Variants in PLCE1 observed in about 807,000 individuals in gnomAD.
The protein encoded by PLCE1 is phospholipase C epsilon 1.
Under a neutral mutation model 242.8 loss-of-function variants are expected in PLCE1, and 119 were observed. The observed-to-expected ratio is 0.49, with a 90% CI of 0.42 to 0.57. PLCE1 has a LOEUF of 0.57. Among genes scored for constraint, PLCE1 ranks in the 20% least tolerant of loss-of-function variants. The pLI, the probability that PLCE1 is intolerant of heterozygous loss-of-function variation, is 0.00. For missense variants in PLCE1, 2,441 were observed against 2,788.8 expected, an observed-to-expected ratio of 0.88 and a Z score of 2.81; for synonymous variants, 945 against 1,017.4, an observed-to-expected ratio of 0.93 and a Z score of 1.35.
intron 4 of PLCE1, among the ~76,000 whole-genome samples, chr10:94,204,520 T>A (rs1203203272): frequency 6.6e-6 from 1 of 151,834 alleles, no homozygotes; most frequent in Non-Finnish European, 1.5e-5. Flanking sequence ...TACAAAAAAT[T>A]AGCCAGGCGT....
At chr10:94,285,798 A>T (rs1221563148) in intron 22 of PLCE1, among the ~76,000 whole-genome samples, 1 of 152,184 alleles carries the variant, frequency 6.6e-6, no homozygotes, top group African/African-American at 2.4e-5. Context: ...CACAAGGACC[A>T]AGGATGGCGT....
chr10:94,299,114 AT>A (rs1385152637), intron 24 of PLCE1, among the ~76,000 whole-genome samples: 2 of 152,202 alleles, frequency 1.3e-5, no homozygotes, highest in Non-Finnish European at 2.9e-5. Context: ...TGGAATTGAG[AT>A]GGAGAATAAT....
chr10:93,996,257 T>G (rs745931975), intron 1 of PLCE1, among the ~76,000 whole-genome samples: 1 of 152,192 alleles, frequency 6.6e-6, no homozygotes, highest in Non-Finnish European at 1.5e-5. Flanking sequence ...AAACAGAGCT[T>G]CTGGGTTCAG....
intron 5 of PLCE1, among the ~76,000 whole-genome samples, chr10:94,233,507 G>T (rs777730493): frequency 6.6e-5 from 10 of 152,206 alleles, no homozygotes; most frequent in Non-Finnish European, 1.0e-4. Flanking sequence ...TACATTCAGT[G>T]CCCAGCTTCC....
intron 2 of PLCE1, among the ~76,000 whole-genome samples, chr10:94,050,562 A>G (rs2043735784): frequency 6.6e-6 from 1 of 152,152 alleles, no homozygotes; most frequent in African/African-American, 2.4e-5. Context: ...AACCTAGGTA[A>G]GTACATCCCA....
chr10:94,144,734 G>A (rs144234855), intron 3 of PLCE1, among the ~76,000 whole-genome samples: 110 of 152,322 alleles, frequency 7.2e-4, no homozygotes, highest in Non-Finnish European at 1.4e-3. Context: ...TGGCAGCAGG[G>A]AGTATGCCAA....
chr10:94,208,843 G>A (rs1482844942), intron 4 of PLCE1, among the ~76,000 whole-genome samples: 1 of 152,166 alleles, frequency 6.6e-6, no homozygotes, highest in Non-Finnish European at 1.5e-5. Flanking sequence ...TGACCAAAGT[G>A]GGTCTCATTG....
chr10:94,071,494 C>CTTTTTTTTT (rs2044351149), intron 2 of PLCE1, among the ~76,000 whole-genome samples: 4 of 69,212 alleles, frequency 5.8e-5, no homozygotes, highest in African/African-American at 4.6e-4. Context: ...GTTTGGTTTT[C>CTTTTTTTTT]GTTTTTTTTT....
chr10:94,270,878 C>T (rs1228016592), intron 18 of PLCE1, among the ~76,000 whole-genome samples: 1 of 152,152 alleles, frequency 6.6e-6, no homozygotes, highest in African/African-American at 2.4e-5. Flanking sequence ...CCATGATGGC[C>T]AGGCTGCTCT....
chr10:94,055,607 G>A (rs944955217), intron 2 of PLCE1, among the ~76,000 whole-genome samples: 2 of 152,014 alleles, frequency 1.3e-5, no homozygotes, highest in East Asian at 1.9e-4. Context: ...AGTGAATCAC[G>A]GTGCCTAGCT....
Position 94,031,634 on chromosome 10 carries a change from A to G in PLCE1, c.588A>G (p.Arg196=), listed in dbSNP as rs754592413. 6.2e-7 allele frequency: 1 copy of G among 1,613,710 alleles called. No homozygotes were observed. Among genetic ancestry groups the G allele is most frequent in the South Asian group, 1.1e-5 (1 of 91,058 alleles). The part of the protein sequence containing the change: ...VFHFHYEVDR[R]MSDTFCTLSE... ...ATTTTCATTATGAAGTTGACAGAAG[A>G]ATGTCAGACACTTTCTGTACCCTAT... is the stretch of plus-strand genomic sequence containing the variant. Residue 196 remains arginine (R), a synonymous_variant, in exon 2 of 33, where the codon AGA becomes AGG. Coordinates refer to ENST00000371380, the MANE Select transcript of PLCE1 (RefSeq NM_016341.4).
At chr10:94,042,810 ATAAG>A (rs1300704189) in intron 2 of PLCE1, among the ~76,000 whole-genome samples, 1 of 152,222 alleles carries the variant, frequency 6.6e-6, no homozygotes, top group Non-Finnish European at 1.5e-5. Flanking sequence ...AAGAAGTTTT[ATAAG>A]TAAGTAAGCA....
rs1212739268 is a variant in PLCE1 at position 94,031,206 on chromosome 10, A to G, written c.160A>G (p.Ile54Val). ...ACGAAGTGGGGAGACTTCTCATACC[A>G]TCTCACAACTGAACAAACTTAAAGA... is the stretch of plus-strand genomic sequence containing the variant. ...VRRSGETSHT[I>V]SQLNKLKEEP... Residue 54 changes from isoleucine to valine, a missense_variant, in exon 2 of 33, where the codon ATC (isoleucine) becomes GTC (valine). By Grantham distance (29) the Ile-to-Val change is conservative. This residue lies in a region of PLCE1 where 393 missense variants were observed against 378.5 expected (regional missense o/e 1.04). Coordinates refer to ENST00000371380, the MANE Select transcript of PLCE1 (RefSeq NM_016341.4). 1 of 1,613,792 alleles carries G rather than the reference A, an allele frequency of 6.2e-7. No individual in the cohort carries two copies. The highest frequency in any genetic ancestry group is 8.5e-7 in the Non-Finnish European group (1 of 1,179,802).
At position 94,306,508 on chromosome 10, in the gene PLCE1, G is replaced by A. The variant is rs1302831861; in HGVS notation, c.5704G>A (p.Asp1902Asn). 1.2e-6 allele frequency: 2 copies of A among 1,614,006 alleles called. No homozygotes were observed. The highest frequency in any genetic ancestry group is 2.2e-5 in the East Asian group (1 of 44,876). Residue 1902 changes from aspartate (D) to asparagine (N), a missense_variant, in exon 26 of 33, where the codon GAC (aspartate) becomes AAC (asparagine). Around this residue, in one of 5 missense-constraint regions of PLCE1, gnomAD observed 1,004 missense variants for 1,322.7 expected, o/e 0.76. Coordinates refer to ENST00000371380, the MANE Select transcript of PLCE1 (RefSeq NM_016341.4). This position sits in a 1 kb window ranked among gnomAD's most constrained non-coding sequence, Gnocchi z 5.7. ...IEVDVLGMPL[D>N]SCHFRTKPIH... ...AGTCGACGTCCTGGGCATGCCTCTGGACAGCTGCCATTTCCGCACAAAGCC... is the reference window on the plus strand; with the variant it reads ...AGTCGACGTCCTGGGCATGCCTCTGAACAGCTGCCATTTCCGCACAAAGCC...
chr10:94,092,187 TA>T (rs980230808), intron 2 of PLCE1, among the ~76,000 whole-genome samples: 1 of 152,174 alleles, frequency 6.6e-6, no homozygotes, highest in Non-Finnish European at 1.5e-5. Context: ...GAATTTTTTT[TA>T]AAAAAGGTTA....
chr10:94,091,812 G>A (rs570641290), intron 2 of PLCE1, among the ~76,000 whole-genome samples: 2 of 152,126 alleles, frequency 1.3e-5, no homozygotes, highest in South Asian at 2.1e-4. Context: ...CACCTGACAA[G>A]GATAATGAGA....
chr10:94,269,353 C>T (rs750866207), intron 17 of PLCE1, among the ~76,000 whole-genome samples: 1 of 151,998 alleles, frequency 6.6e-6, no homozygotes, highest in Admixed American at 6.6e-5. Context: ...CCGCCCGCCC[C>T]TCAGCCTCCC....
In PLCE1 at chr10:94,254,260, G is replaced by C; in HGVS notation, c.3350G>C (p.Ser1117Thr). ...RKAKMHKECR[S>T]RSGSDPQDIN... Reference sequence around the variant, plus strand: ...GCCAAGATGCACAAAGAGTGTCGAAGCCGGAGTGGTTCTGATCCTCAAGAC... The same window carrying C: ...GCCAAGATGCACAAAGAGTGTCGAACCCGGAGTGGTTCTGATCCTCAAGAC... The change falls in exon 10 of 33, where the codon AGC becomes ACC. Residue 1117 changes from serine to threonine, a missense_variant. Ser to Thr is a moderately conservative substitution (Grantham distance 58, BLOSUM62 1). Coordinates refer to ENST00000371380, the MANE Select transcript of PLCE1 (RefSeq NM_016341.4). The C allele has an allele frequency of 1.2e-6, 2 of 1,614,072 alleles. No homozygotes were observed. Among genetic ancestry groups the C allele is most frequent in the Non-Finnish European group, 1.7e-6 (2 of 1,179,954 alleles).
chr10:94,222,149 C>T (rs2049771438), intron 4 of PLCE1, among the ~76,000 whole-genome samples: 1 of 151,894 alleles, frequency 6.6e-6, no homozygotes, highest in African/African-American at 2.4e-5. Flanking sequence ...CAGAACAGGC[C>T]CATGTGAAAG....
Sources: gnomAD v4.1 joint callset for allele counts (sites outside exome capture counted in the v4.1 genomes callset) on GRCh38, gnomAD v4.1.1 for gene constraint, gnomAD v4.1.1 regional missense constraint, Gnocchi (gnomAD v3.1) non-coding constraint, MANE v1.5 for transcripts, NCBI Gene and HGNC (gene_info 2026-07-23, HGNC 2026-07-21) for gene names.